The following TOP1MT variants were observed in gnomAD, a reference collection of about 807,000 sequenced individuals.
TOP1MT encodes DNA topoisomerase I mitochondrial.
In TOP1MT, 80 loss-of-function variants were observed where a neutral mutation model predicts 73.9. That is an observed-to-expected ratio of 1.08 (90% CI 0.90 to 1.30). The LOEUF (loss-of-function observed/expected upper bound fraction) is 1.30, where lower values mean the gene tolerates loss of function less well. TOP1MT is among the 50% of genes most tolerant of loss of function. TOP1MT has a pLI of 0.00. For missense variants in TOP1MT, 815 were observed against 808.0 expected, an observed-to-expected ratio of 1.01 and a Z score of -0.10; for synonymous variants, 338 against 326.4, an observed-to-expected ratio of 1.04 and a Z score of -0.38.
chr8:143,321,451 A>C lies in TOP1MT; in HGVS notation c.961-65T>G. 49 of 1,226,146 alleles carry C rather than the reference A, an allele frequency of 4.0e-5. 1 individual carries two copies. Among genetic ancestry groups the C allele is most frequent in the Non-Finnish European group, 5.3e-5 (49 of 922,332 alleles). The allele number at this position is 1,226,146 out of a possible 1,614,324, so 76.0% of individuals were successfully genotyped here. On this transcript the variant is annotated intron_variant, in intron 7 of 13. Coordinates refer to ENST00000329245, the MANE Select transcript of TOP1MT (RefSeq NM_052963.3). ...CACGCACGCCACACACACGCACGCC[A>C]CACACACGCACGCCACACACGCACG...
chr8:143,309,649 A>G, intron 13 of TOP1MT, 106 bp from the exon 14 acceptor site: 1 of 1,555,186 alleles, frequency 6.4e-7, no homozygotes, highest in South Asian at 1.2e-5. Context: ...CAGAGACACC[A>G]GAGCCGCCTG....
intron 12 of TOP1MT, among the ~76,000 whole-genome samples, chr8:143,315,058 C>A (rs1165603696): frequency 1.3e-5 from 2 of 152,042 alleles, no homozygotes; most frequent in Admixed American, 6.5e-5. Context: ...GCGGTAGCAT[C>A]AGTGTCAAGG....
At chr8:143,356,845 G>A (rs961826380), upstream of TOP1MT, among the ~76,000 whole-genome samples, 2 of 144,846 alleles carry the variant, frequency 1.4e-5, no homozygotes, top group Non-Finnish European at 3.0e-5. Flanking sequence ...TGTAATCCCA[G>A]CACTTTGGGA....
chr8:143,317,951 T>A, intron 9 of TOP1MT, 67 bp downstream of exon 9: 1 of 1,595,428 alleles, frequency 6.3e-7, no homozygotes, highest in Non-Finnish European at 8.6e-7. Context: ...TGGGCCAGAC[T>A]CAGCGCCCAC....
At chr8:143,345,541 G>A (rs1479627051), upstream of TOP1MT, among the ~76,000 whole-genome samples, 3 of 152,208 alleles carry the variant, frequency 2.0e-5, no homozygotes, top group Non-Finnish European at 4.4e-5. Context: ...AGGGCCTCTC[G>A]GGCTATACTC....
intron 7 of TOP1MT, among the ~76,000 whole-genome samples, chr8:143,322,658 ACACG>A (rs1481442677): frequency 8.0e-6 from 1 of 125,466 alleles, no homozygotes; most frequent in African/African-American, 3.5e-5. Flanking sequence ...CGCACACCAC[ACACG>A]CACGCCACAC....
chr8:143,310,474 G>A lies in TOP1MT; in HGVS notation c.1554-257C>T, dbSNP rs1008059758. 4 of 365,564 alleles carry A rather than the reference G, an allele frequency of 1.1e-5. No homozygotes were observed. In the Admixed American group the frequency reaches 1.8e-4, roughly 16 times the overall value. 22.6% of individuals were successfully genotyped at this position (365,564 alleles called of 1,614,324 possible). On this transcript the variant is annotated intron_variant, in intron 12 of 13. Transcript: ENST00000329245. ...GTCAGGACCTGACTCGCAGGAGGGT[G>A]AGATGCTCGACACAACAGACTGAGG... is the stretch of plus-strand genomic sequence containing the variant.
rs1178112791 is a variant in TOP1MT, at chr8:143,341,858, CCTCT to C, written c.29+1358_29+1361del. Among the ~76,000 whole-genome samples, 1 of 138,896 alleles carries C rather than the reference CCTCT, an allele frequency of 7.2e-6. No homozygotes were observed. The highest frequency in any genetic ancestry group is 1.9e-4 in the East Asian group (1 of 5,200). 91.1% of individuals were successfully genotyped at this position (138,896 alleles called of 152,430 possible). A position where few individuals can be genotyped will look rare whatever the true frequency, so the allele number is the denominator to read the frequency against. ...CCTCTTCTTCCTCCTCCTCCTCCTT[CCTCT>C]TTCTCCTCCCCCTTCTTCTTCTTCT... On this transcript the variant is annotated intron_variant, in intron 2 of 5. Coordinates refer to the TOP1MT transcript ENST00000518007. This position sits in a 1 kb window ranked among gnomAD's most constrained non-coding sequence, Gnocchi z 4.1.
chr8:143,347,947 A>C (rs1817256554), upstream of TOP1MT, among the ~76,000 whole-genome samples: 2 of 152,182 alleles, frequency 1.3e-5, no homozygotes, highest in South Asian at 4.1e-4. Context: ...CCCCACGCTG[A>C]GGAGGGTGAG....
intron 7 of TOP1MT, among the ~76,000 whole-genome samples, chr8:143,321,732 GGTACGCCACACAC>G (rs1563758197): frequency 3.6e-5 from 2 of 55,246 alleles, no homozygotes; most frequent in African/African-American, 8.0e-5. Context: ...GCCACACACA[GGTACGCCACACAC>G]GCACGCCACA....
At chr8:143,347,688 G>GCAGCCAGCCAGCCAGCCAGCCAGCCAGC (rs36222627), upstream of TOP1MT, among the ~76,000 whole-genome samples, 1 of 149,986 alleles carries the variant, frequency 6.7e-6, no homozygotes, top group Non-Finnish European at 1.5e-5. Context: ...CAGCAGGCAG[G>GCAGCCAGCCAGCCAGCCAGCCAGCCAGC]CAGCCAGCCA....
At chr8:143,355,315 T>G (rs1041608860) in intron 1 of TOP1MT, 4 of 152,194 alleles carry the variant, frequency 2.6e-5, no homozygotes, top group Admixed American at 6.5e-5. Flanking sequence ...AACGGACTCA[T>G]CCTACCTTAG....
intron 1 of TOP1MT, among the ~76,000 whole-genome samples, chr8:143,355,119 G>A (rs997259972): frequency 6.6e-6 from 1 of 152,198 alleles, no homozygotes; most frequent in East Asian, 1.9e-4. Flanking sequence ...AGGAGAGTGC[G>A]GAAGCGGCAC....
At chr8:143,337,322 G>A (rs1231137068), upstream of TOP1MT, among the ~76,000 whole-genome samples, 1 of 152,146 alleles carries the variant, frequency 6.6e-6, no homozygotes, top group East Asian at 1.9e-4. Flanking sequence ...GGAGAATGGC[G>A]TGAACCCAGG....
In TOP1MT at chr8:143,321,488, CCACACACGCACGCCA is replaced by C. The variant is rs1199688541; in HGVS notation, c.961-117_961-103del. The C allele has an allele frequency of 5.1e-5, 24 of 472,022 alleles. No homozygotes were observed. In the East Asian group the frequency reaches 3.9e-3, roughly 77 times the overall value. The allele number at this position is 472,022 out of a possible 1,614,324, so 29.2% of individuals were successfully genotyped here. On this transcript the variant is annotated intron_variant, in intron 7 of 13. Transcript: ENST00000329245. ...GCCACACACGCACGCCACACGCACG[CCACACACGCACGCCA>C]CACACACGCACTCCACACACGCACG...
chr8:143,318,444 C>G (rs1442302997), intron 8 of TOP1MT, among the ~76,000 whole-genome samples: 1 of 152,240 alleles, frequency 6.6e-6, no homozygotes, highest in African/African-American at 2.4e-5. Flanking sequence ...CATCTGACAT[C>G]ACAGGACCTC....
intron 4 of TOP1MT, among the ~76,000 whole-genome samples, chr8:143,325,925 C>T (rs1463948397): frequency 6.6e-6 from 1 of 152,230 alleles, no homozygotes; most frequent in Non-Finnish European, 1.5e-5. Context: ...TGGCACAGAA[C>T]AGCAAGAAGC....
intron 8 of TOP1MT, among the ~76,000 whole-genome samples, chr8:143,318,743 CA>C (rs768565266): frequency 3.9e-5 from 6 of 152,126 alleles, no homozygotes; most frequent in Admixed American, 2.6e-4. Context: ...GGAGGCCCCG[CA>C]CCCCCAACTG....
chr8:143,322,724 G>T (rs1444536448), intron 7 of TOP1MT, among the ~76,000 whole-genome samples: 5 of 6,442 alleles, frequency 7.8e-4, no homozygotes, highest in Non-Finnish European at 9.8e-4. Flanking sequence ...GCCACACACA[G>T]GCACGCCACA....
Sources: gnomAD v4.1 joint callset for allele counts (sites outside exome capture counted in the v4.1 genomes callset) on GRCh38, gnomAD v4.1.1 for gene constraint, Gnocchi (gnomAD v3.1) non-coding constraint, MANE v1.5 for transcripts, NCBI Gene and HGNC (gene_info 2026-07-23, HGNC 2026-07-21) for gene names.